COMMD1: variants seen among roughly 807,000 people sequenced by gnomAD.
The protein encoded by COMMD1 is copper metabolism domain containing 1.
COMMD1 carries 10 observed loss-of-function variants against 17.2 expected under a neutral mutation model. The ratio of observed to expected loss-of-function variants is 0.58; its 90% confidence interval spans 0.36 to 0.99. The LOEUF is 0.99. Among genes scored for constraint, COMMD1 ranks in the 50% least tolerant of loss-of-function variants. COMMD1 has a pLI of 0.01. For missense variants in COMMD1, 270 were observed against 231.8 expected (o/e 1.17, Z -1.07); for synonymous variants, 97 against 91.6 (o/e 1.06, Z -0.34).
intron 1 of COMMD1, among the ~76,000 whole-genome samples, chr2:61,992,542 T>C (rs1027589798): frequency 6.6e-6 from 1 of 152,012 alleles, no homozygotes; most frequent in African/African-American, 2.4e-5. Flanking sequence ...CTAAAAATGG[T>C]TTTTACATTT....
At chr2:62,021,139 G>C (rs1486185258) in intron 2 of COMMD1, among the ~76,000 whole-genome samples, 1 of 152,118 alleles carries the variant, frequency 6.6e-6, no homozygotes, top group African/African-American at 2.4e-5. Context: ...GAATTTTATA[G>C]CTGTGTCCTC....
chr2:62,061,096 C>A (rs1162628962), intron 2 of COMMD1, among the ~76,000 whole-genome samples: 1 of 152,082 alleles, frequency 6.6e-6, no homozygotes, highest in Non-Finnish European at 1.5e-5. Flanking sequence ...GATTTCCTAT[C>A]TGTGTGTTAA....
rs147715341 is a variant in COMMD1, at chr2:62,074,476, C to G, written c.463-61355C>G. On this transcript the variant is annotated intron_variant, in intron 2 of 2. Coordinates refer to ENST00000311832, the MANE Select transcript of COMMD1 (RefSeq NM_152516.4). Reference sequence around the variant, plus strand: ...GCCCACCATGAATAACAAACACACTCGTGGTCACTTGGGAAATTCCAAGGT... The same window carrying G: ...GCCCACCATGAATAACAAACACACTGGTGGTCACTTGGGAAATTCCAAGGT... 7.7e-4 allele frequency among the ~76,000 whole-genome samples: 118 copies of G among 152,302 alleles called. 2 individuals carry two copies. In the East Asian group the frequency reaches 0.021, roughly 27 times the overall value.
chr2:62,021,838 G>A (rs1669620455), intron 2 of COMMD1, among the ~76,000 whole-genome samples: 2 of 152,106 alleles, frequency 1.3e-5, no homozygotes, highest in Admixed American at 1.3e-4. Context: ...TTGTCTTTTT[G>A]TTGTTGAAGT....
In COMMD1 at chr2:61,907,154, G is replaced by A. The variant is rs546240799; in HGVS notation, c.180+1296G>A. Among the ~76,000 whole-genome samples, 18 of 152,224 alleles carry A rather than the reference G, an allele frequency of 1.2e-4. 1 individual carries two copies. The South Asian group carries it at 3.7e-3, about 32-fold the overall frequency. On this transcript the variant is annotated intron_variant, in intron 1 of 2. Coordinates refer to ENST00000311832, the MANE Select transcript of COMMD1 (RefSeq NM_152516.4). ...ACGAGTTTTGCTTTGTTGCCAGGCTGGAGTGCAGTGGCCCGATCTCGGCTC... is the reference window on the plus strand; with the variant it reads ...ACGAGTTTTGCTTTGTTGCCAGGCTAGAGTGCAGTGGCCCGATCTCGGCTC...
chr2:62,036,722 G>T (rs1161416632), intron 2 of COMMD1, among the ~76,000 whole-genome samples: 1 of 152,146 alleles, frequency 6.6e-6, no homozygotes, highest in Non-Finnish European at 1.5e-5. Flanking sequence ...GTCATTGGTG[G>T]TTGTATACAT....
At chr2:61,937,467 C>T (rs1670634131) in intron 1 of COMMD1, among the ~76,000 whole-genome samples, 1 of 152,112 alleles carries the variant, frequency 6.6e-6, no homozygotes, top group Admixed American at 6.6e-5. Flanking sequence ...CAGTGGGACT[C>T]CGTATGGCCA....
chr2:62,071,582 G>T (rs982274197), intron 2 of COMMD1, among the ~76,000 whole-genome samples: 1 of 152,154 alleles, frequency 6.6e-6, no homozygotes, highest in Admixed American at 6.5e-5. Context: ...GGAGGGGCCA[G>T]TTCTACTTAT....
At chr2:62,124,248 G>A (rs556582965) in intron 2 of COMMD1, among the ~76,000 whole-genome samples, 6 of 152,226 alleles carry the variant, frequency 3.9e-5, no homozygotes, top group African/African-American at 1.4e-4. Context: ...GCAGTGAGCT[G>A]AGATCGTGCC....
At chr2:62,028,743 T>C (rs72803321) in intron 2 of COMMD1, among the ~76,000 whole-genome samples, 3,222 of 152,320 alleles carry the variant, frequency 0.021, 65 homozygotes, top group Middle Eastern at 0.031. Flanking sequence ...TAATGAGATA[T>C]AGTCAAATTA....
intron 2 of COMMD1, among the ~76,000 whole-genome samples, chr2:62,130,504 A>AT (rs1324199074): frequency 6.6e-6 from 1 of 152,118 alleles, no homozygotes; most frequent in African/African-American, 2.4e-5. Context: ...CATCCCCCAA[A>AT]TTTATCATTT....
At chr2:62,014,108 A>T (rs979821315) in intron 2 of COMMD1, among the ~76,000 whole-genome samples, 4 of 152,178 alleles carry the variant, frequency 2.6e-5, no homozygotes, top group African/African-American at 7.2e-5. Flanking sequence ...GTCTTTGCAG[A>T]TTCATTGACC....
intron 1 of COMMD1, chr2:61,968,945 CTTTTTTTTTTT>C (rs57247770): frequency 9.6e-6 from 2 of 208,242 alleles, no homozygotes; most frequent in Admixed American, 5.5e-5. Context: ...TTTATTTAGT[CTTTTTTTTTTT>C]TTTTTTTTAA....
chr2:61,914,849 C>T (rs1161746254), intron 1 of COMMD1, among the ~76,000 whole-genome samples: 2 of 151,006 alleles, frequency 1.3e-5, no homozygotes, highest in African/African-American at 4.9e-5. Context: ...TGCCACCACG[C>T]CTGGCTAAAT....
chr2:62,041,370 T>A (rs1670190810), intron 2 of COMMD1, among the ~76,000 whole-genome samples: 1 of 152,182 alleles, frequency 6.6e-6, no homozygotes, highest in African/African-American at 2.4e-5. Context: ...TTTTGCCAGT[T>A]TTATTAATAG....
intron 1 of COMMD1, among the ~76,000 whole-genome samples, chr2:61,929,489 T>C (rs1342023841): frequency 6.6e-6 from 1 of 152,192 alleles, no homozygotes; most frequent in Non-Finnish European, 1.5e-5. Context: ...ACATTTCCCC[T>C]AGTTTATTAC....
intron 1 of COMMD1, among the ~76,000 whole-genome samples, chr2:61,988,733 T>G (rs1172210766): frequency 6.6e-6 from 1 of 152,166 alleles, no homozygotes; most frequent in Non-Finnish European, 1.5e-5. Context: ...TTTTAGACTT[T>G]CCTGTAAGTT....
At chr2:62,036,227 TG>T (rs66520121) in intron 2 of COMMD1, among the ~76,000 whole-genome samples, 12,527 of 152,206 alleles carry the variant, frequency 0.082, 1,261 homozygotes, top group African/African-American at 0.24. Context: ...GTTGGTAAAA[TG>T]AGTATCTTTC....
At chr2:62,074,124 T>C (rs568156504) in intron 2 of COMMD1, among the ~76,000 whole-genome samples, 3 of 152,312 alleles carry the variant, frequency 2.0e-5, no homozygotes, top group African/African-American at 7.2e-5. Flanking sequence ...CCATGCACTC[T>C]TCCTTTGGAA....
Sources: gnomAD v4.1 joint callset for allele counts (sites outside exome capture counted in the v4.1 genomes callset) on GRCh38, gnomAD v4.1.1 for gene constraint, MANE v1.5 for transcripts, NCBI Gene and HGNC (gene_info 2026-07-23, HGNC 2026-07-21) for gene names.